The following LRP5 variants were observed in gnomAD, a reference collection of about 807,000 sequenced individuals.
LRP5 encodes the protein low-density lipoprotein receptor-related protein 5.
Under a neutral mutation model 154.1 loss-of-function variants are expected in LRP5, and 62 were observed. The ratio of observed to expected loss-of-function variants is 0.40; its 90% confidence interval spans 0.33 to 0.50. LRP5 has a LOEUF of 0.50. Ranked by LOEUF, LRP5 falls within the 20% of genes least tolerant of loss-of-function variation. LRP5 has a pLI of 0.55. For synonymous variants in LRP5, 966 were observed against 1,011.5 expected (o/e 0.96, Z 0.85); for missense variants, 1,915 against 2,336.7 (o/e 0.82, Z 3.72).
intron 22 of LRP5, among the ~76,000 whole-genome samples, chr11:68,448,063 A>G (rs1275138024): frequency 6.6e-6 from 1 of 152,224 alleles, no homozygotes; most frequent in East Asian, 1.9e-4. Flanking sequence ...GGGTGGCCTC[A>G]CAATCATGGT....
chr11:68,312,516 G>GGGCGCGGGT (rs2098588819), upstream of LRP5: 1 of 148,632 alleles, frequency 6.7e-6, no homozygotes, highest in Non-Finnish European at 1.5e-5. Flanking sequence ...CCGGTGCGGG[G>GGGCGCGGGT]GGCGCGGGTG....
chr11:68,429,743 C>T (rs2098670904), intron 17 of LRP5, 43 bp downstream of exon 17: 2 of 1,613,056 alleles, frequency 1.2e-6, no homozygotes, highest in Non-Finnish European at 1.7e-6. Context: ...TGGACAGGTA[C>T]CTGATTCTCT....
the LRP5 span, among the ~76,000 whole-genome samples, chr11:68,307,276 A>C: frequency 6.6e-6 from 1 of 152,240 alleles, no homozygotes. Context: ...GTTCAAGACC[A>C]GCCTGGGCAA....
intron 22 of LRP5, chr11:68,446,978 C>G (rs141123123): frequency 1.1e-5 from 3 of 266,196 alleles, no homozygotes; most frequent in Non-Finnish European, 7.6e-6. Context: ...GACCCCTAAT[C>G]GTGTGACGTC....
chr11:68,346,156 C>T (rs961653144), intron 1 of LRP5, among the ~76,000 whole-genome samples: 4 of 152,214 alleles, frequency 2.6e-5, no homozygotes, highest in Admixed American at 2.6e-4. Flanking sequence ...TTTTGATGCA[C>T]AAAATCTTTA....
intron 7 of LRP5, among the ~76,000 whole-genome samples, chr11:68,395,736 T>TA (rs1399505749): frequency 1.3e-5 from 2 of 152,288 alleles, no homozygotes; most frequent in East Asian, 3.9e-4. Context: ...CGTCCAGAGC[T>TA]GACTTAGCCT....
chr11:68,368,212 C>T (rs997915710), intron 5 of LRP5, among the ~76,000 whole-genome samples: 5 of 152,144 alleles, frequency 3.3e-5, no homozygotes, highest in Admixed American at 6.5e-5. Context: ...CCGAGGCACA[C>T]GTGTGGTGGG....
chr11:68,357,741 A>T lies in LRP5; in HGVS notation c.580A>T (p.Ile194Phe). ...STRKIIVDSDIYWPNGLTIDL... is the reference protein window; with the variant it reads ...STRKIIVDSDFYWPNGLTIDL... ...CCGGAAGATCATTGTGGACTCGGAC[A>T]TTTACTGGCCCAATGGACTGACCAT... Residue 194 changes from isoleucine (I) to phenylalanine (F), a missense_variant, in exon 3 of 23, where the codon ATT becomes TTT. Ile to Phe is a conservative substitution (Grantham distance 21, BLOSUM62 0). Transcript: ENST00000294304. The T allele has an allele frequency of 6.2e-7, 1 of 1,614,184 alleles. No homozygotes were observed. The highest frequency in any genetic ancestry group is 8.5e-7 in the Non-Finnish European group (1 of 1,180,014).
rs777951142 is a variant in LRP5 at position 68,386,350 on chromosome 11, G to A, written c.1050G>A (p.Thr350=). 8 of 1,612,960 alleles carry A rather than the reference G, an allele frequency of 5.0e-6. No individual in the cohort carries two copies. The highest frequency in any genetic ancestry group is 3.3e-5 in the Admixed American group (2 of 60,002). Residue 350 remains threonine, a synonymous_variant, in exon 6 of 23, where the codon ACG becomes ACA. Coordinates refer to ENST00000294304, the MANE Select transcript of LRP5 (RefSeq NM_002335.4). This position sits in a 1 kb window ranked among gnomAD's most constrained non-coding sequence, Gnocchi z 7.9. ...AGGTGCTGCTGCTGGCCCGGCGGAC[G>A]GACCTACGGAGGATCTCGCTGGACA... The part of the protein sequence containing the change: ...AEEVLLLARR[T]DLRRISLDTP...
In LRP5 at chr11:68,389,304, A is replaced by G. The variant is rs1202092212; in HGVS notation, c.1413-577A>G. On this transcript the variant is annotated intron_variant, in intron 6 of 22. Coordinates refer to ENST00000294304, the MANE Select transcript of LRP5 (RefSeq NM_002335.4). Reference sequence around the variant, plus strand: ...CCAACACTGACATTTACCGACATTGACATTTACTGACACTGACATCTACTG... The same window carrying G: ...CCAACACTGACATTTACCGACATTGGCATTTACTGACACTGACATCTACTG... Among the ~76,000 whole-genome samples, 6 of 151,992 alleles carry G rather than the reference A, an allele frequency of 3.9e-5. No individual in the cohort carries two copies. In the East Asian group the frequency reaches 9.7e-4, roughly 24 times the overall value.
At chr11:68,344,247 A>G (rs544387379) in intron 1 of LRP5, among the ~76,000 whole-genome samples, 1 of 152,236 alleles carries the variant, frequency 6.6e-6, no homozygotes, top group South Asian at 2.1e-4. Context: ...AGCTGTGACC[A>G]TCTCCTTTTG....
chr11:68,406,383 G>A (rs1038814452), intron 8 of LRP5, 141 bp from the exon 9 acceptor site: 13 of 877,974 alleles, frequency 1.5e-5, no homozygotes, highest in East Asian at 9.8e-5. Context: ...CCATGAGGTC[G>A]GACCTGACCC....
intron 4 of LRP5, among the ~76,000 whole-genome samples, chr11:68,365,163 C>A (rs2098630259): frequency 6.6e-6 from 1 of 152,162 alleles, no homozygotes; most frequent in African/African-American, 2.4e-5. Flanking sequence ...GTCCTGACCC[C>A]GGCCATTGGA....
At chr11:68,376,155 G>A (rs1453794256) in intron 5 of LRP5, among the ~76,000 whole-genome samples, 5 of 149,964 alleles carry the variant, frequency 3.3e-5, no homozygotes, top group East Asian at 2.0e-4. Context: ...GGGGTCGTCC[G>A]TGGCTGGCCC....
intron 21 of LRP5, chr11:68,445,580 G>A (rs756434028): frequency 6.1e-6 from 8 of 1,315,532 alleles, no homozygotes; most frequent in Non-Finnish European, 6.0e-6. Flanking sequence ...CAGGGGCTCG[G>A]ATCTGGCTGT....
Position 68,413,673 on chromosome 11 carries a change from G to A in LRP5, c.2504-16G>A, listed in dbSNP as rs764883376. The A allele has an allele frequency of 1.6e-5, 26 of 1,611,200 alleles. 1 individual carries two copies. The highest frequency in any genetic ancestry group is 1.6e-4 in the Middle Eastern group (1 of 6,062). ...CTGTGCCTTTGCTGACACCGTGCCCGTGTGTGTTCATGCAGGTCAGGAGCG... is the reference window on the plus strand; with the variant it reads ...CTGTGCCTTTGCTGACACCGTGCCCATGTGTGTTCATGCAGGTCAGGAGCG... On this transcript the variant is annotated splice_polypyrimidine_tract_variant and intron_variant, in intron 11 of 22. Transcript: ENST00000294304. This position sits in a 1 kb window ranked among gnomAD's most constrained non-coding sequence, Gnocchi z 5.1.
At chr11:68,373,360 G>GC (rs1385076855) in intron 5 of LRP5, among the ~76,000 whole-genome samples, 1 of 151,848 alleles carries the variant, frequency 6.6e-6, no homozygotes, top group Non-Finnish European at 1.5e-5. Context: ...CACACAGGCG[G>GC]CCTCCTAGAG....
intron 13 of LRP5, among the ~76,000 whole-genome samples, chr11:68,419,566 G>A (rs2098664398): frequency 6.8e-6 from 1 of 147,682 alleles, no homozygotes; most frequent in Non-Finnish European, 1.5e-5. Context: ...TTGAGATGGA[G>A]TCTCACTCTA....
chr11:68,414,649 T>C (rs2153168501), intron 12 of LRP5, among the ~76,000 whole-genome samples: 1 of 152,352 alleles, frequency 6.6e-6, no homozygotes, highest in East Asian at 1.9e-4. Context: ...TGGCGGGCTC[T>C]TCCCCCATGA....
Sources: gnomAD v4.1 joint callset for allele counts (sites outside exome capture counted in the v4.1 genomes callset) on GRCh38, gnomAD v4.1.1 for gene constraint, Gnocchi (gnomAD v3.1) non-coding constraint, MANE v1.5 for transcripts, NCBI Gene and HGNC (gene_info 2026-07-23, HGNC 2026-07-21) for gene names.